The following EPHA10 variants were observed in gnomAD, a reference collection of about 807,000 sequenced individuals.
EPHA10 encodes ephrin type-A receptor 10.
EPHA10 carries 120 observed loss-of-function variants against 109.7 expected under a neutral mutation model. The ratio of observed to expected loss-of-function variants is 1.09; its 90% CI spans 0.94 to 1.27. The LOEUF is 1.27. Among genes scored for constraint, EPHA10 ranks in the 50% most tolerant of loss-of-function variants. The pLI is 0.00. For missense variants in EPHA10, 1,396 were observed against 1,411.1 expected, an observed-to-expected ratio of 0.99 and a Z score of 0.17; for synonymous variants, 640 against 618.9, an observed-to-expected ratio of 1.03 and a Z score of -0.51.
Position 37,754,213 on chromosome 1 carries a change from AC to A in EPHA10, c.1006+1del. On this transcript the variant is annotated splice_donor_variant, in intron 4 of 16. Coordinates refer to ENST00000373048, the MANE Select transcript of EPHA10 (RefSeq NM_001099439.2). LOFTEE classifies it high-confidence loss of function. The surrounding 1 kb of genome is among the most constrained non-coding windows in gnomAD (Gnocchi z 4.5). ...GCAGTGCAGCCTGGAGGGGGGACTC[AC>A]GGGTGCAGGAAGCCGAGGGCGGGTC... The A allele has an allele frequency of 7.8e-7, 1 of 1,289,110 alleles. No homozygotes were observed. The highest frequency in any genetic ancestry group is 9.9e-7 in the Non-Finnish European group (1 of 1,011,366). The allele number at this position is 1,289,110 out of a possible 1,614,324, so 79.9% of individuals were successfully genotyped here. A position where few individuals can be genotyped will look rare whatever the true frequency, so the allele number is the denominator to read the frequency against.
chr1:37,732,883 T>C (rs1646010281), intron 6 of EPHA10, among the ~76,000 whole-genome samples: 3 of 100,898 alleles, frequency 3.0e-5, no homozygotes, highest in Admixed American at 3.0e-4. Context: ...TTTTTTTTTT[T>C]TTTTTTTTTT....
At chr1:37,720,137 A>G (rs1645765448) in intron 13 of EPHA10, 79 bp from the exon 14 acceptor site, 2 of 1,557,130 alleles carry the variant, frequency 1.3e-6, no homozygotes, top group Non-Finnish European at 8.7e-7. Flanking sequence ...CCCCAGATCC[A>G]GCCTGCATGT....
Position 37,761,529 on chromosome 1 carries a change from C to T in EPHA10, c.726G>A (p.Ala242=), listed in dbSNP as rs762130503. 2 of 1,598,516 alleles carry T rather than the reference C, an allele frequency of 1.3e-6. No individual in the cohort carries two copies. Among genetic ancestry groups the T allele is most frequent in the African/African-American group, 1.3e-5 (1 of 74,786 alleles). ...TLVEVAGTCV[A]HSEGEPGSPP... ...GGCTGCCAGGCTCCCCTTCCGAGTG[C>T]GCCACGCACGTTCCGGCCACTTCCA... The change falls in exon 3 of 17, where the codon GCG becomes GCA. Residue 242 remains alanine, a synonymous_variant. Coordinates refer to ENST00000373048, the MANE Select transcript of EPHA10 (RefSeq NM_001099439.2).
chr1:37,761,781 G>T lies in EPHA10; in HGVS notation c.474C>A (p.Asp158Glu). 6.2e-7 allele frequency: 1 copy of T among 1,613,734 alleles called. No homozygotes were observed. The highest frequency in any genetic ancestry group is 8.5e-7 in the Non-Finnish European group (1 of 1,179,810). The stretch of plus-strand genomic sequence containing the variant: ...CCAGGTCGCCCTGCGTGAAGCTCTC[G>T]TCCGCCGCGATCGTGTCGATTTTGC... ...RPRKIDTIAA[D>E]ESFTQGDLGE... The change falls in exon 3 of 17, where the codon GAC becomes GAA. Residue 158 changes from aspartate (D) to glutamate (E), a missense_variant. Asp to Glu is a conservative substitution (Grantham distance 45). Transcript: ENST00000373048.
chr1:37,715,036 T>C (rs2148296079), downstream of EPHA10: 1 of 152,336 alleles, frequency 6.6e-6, no homozygotes, highest in Middle Eastern at 3.4e-3. Flanking sequence ...TCTCTGTTTT[T>C]GTTGTTGTTG....
chr1:37,715,795 C>A, downstream of EPHA10: 1 of 444,704 alleles, frequency 2.2e-6, no homozygotes, highest in Non-Finnish European at 4.4e-6. Flanking sequence ...TACCCTGGGT[C>A]ACACCGTCCT....
intron 5 of EPHA10, among the ~76,000 whole-genome samples, chr1:37,737,638 A>C (rs187485506): frequency 6.6e-6 from 1 of 152,374 alleles, no homozygotes; most frequent in East Asian, 1.9e-4. Flanking sequence ...TAAATGTAGG[A>C]TCTGAAATGA....
chr1:37,735,123 G>T, intron 6 of EPHA10, 134 bp downstream of exon 6: 1 of 1,185,046 alleles, frequency 8.4e-7, no homozygotes, highest in Non-Finnish European at 1.2e-6. Flanking sequence ...CGAGCCTGGG[G>T]CCCCTAGGAG....
downstream of EPHA10, chr1:37,713,921 A>G (rs1245567113): frequency 6.6e-6 from 1 of 152,234 alleles, no homozygotes; most frequent in Non-Finnish European, 1.5e-5. Context: ...GAAGACGTAC[A>G]TGTTAACATC....
Position 37,716,857 on chromosome 1 carries a change from C to T in EPHA10, c.*1515G>A, listed in dbSNP as rs1645701259. ...TTAAGAGAGTGGCTATCTCCCCCTC[C>T]AGCCCACCTACCCACTGACCCAGAG... On this transcript the variant is annotated 3_prime_UTR_variant, in exon 17 of 17. Transcript: ENST00000373048. 2 of 232,972 alleles carry T rather than the reference C, an allele frequency of 8.6e-6. No individual in the cohort carries two copies. The highest frequency in any genetic ancestry group is 5.6e-5 in the Admixed American group (1 of 17,770). The allele number at this position is 232,972 out of a possible 1,614,324, so 14.4% of individuals were successfully genotyped here.
At chr1:37,762,753 C>T in intron 2 of EPHA10, 32 bp downstream of exon 2, 1 of 1,533,910 alleles carries the variant, frequency 6.5e-7, no homozygotes, top group Non-Finnish European at 8.8e-7. Context: ...CCAGAGGATC[C>T]CTGGGACAGG....
intron 7 of EPHA10, among the ~76,000 whole-genome samples, chr1:37,730,583 G>A (rs982082698): frequency 4.6e-5 from 7 of 152,130 alleles, no homozygotes; most frequent in African/African-American, 1.7e-4. Context: ...GGAGAAGCCG[G>A]AGATGTTTTC....
chr1:37,715,419 G>A (rs1206013932), downstream of EPHA10, among the ~76,000 whole-genome samples: 1 of 152,036 alleles, frequency 6.6e-6, no homozygotes, highest in African/African-American at 2.4e-5. Flanking sequence ...CTTCATCCAG[G>A]TGCCTCCCAA....
At chr1:37,753,249 C>T in intron 4 of EPHA10, 23 bp from the exon 5 acceptor site, 3 of 754,100 alleles carry the variant, frequency 4.0e-6, no homozygotes, top group South Asian at 4.8e-5. Context: ...AGGGGCGGGG[C>T]GGTCAGGGCG....
At chr1:37,755,755 C>T (rs1240213867) in intron 3 of EPHA10, among the ~76,000 whole-genome samples, 1 of 152,152 alleles carries the variant, frequency 6.6e-6, no homozygotes, top group Non-Finnish European at 1.5e-5. Context: ...TCCTCCCCCA[C>T]AGGCCTTAAG....
intron 5 of EPHA10, among the ~76,000 whole-genome samples, chr1:37,739,745 T>C (rs1265065007): frequency 1.7e-5 from 2 of 120,500 alleles, no homozygotes; most frequent in South Asian, 5.5e-4. Context: ...GGGAGGGTGG[T>C]GGGGGTAAAG....
At position 37,747,611 on chromosome 1, in the gene EPHA10, C is replaced by A. The variant is rs1488180277; in HGVS notation, c.1357+5265G>T. Among the ~76,000 whole-genome samples, 4 of 142,178 alleles carry A rather than the reference C, an allele frequency of 2.8e-5. No individual in the cohort carries two copies. In the Admixed American group the frequency reaches 2.8e-4, roughly 10 times the overall value. 93.3% of individuals were successfully genotyped at this position (142,178 alleles called of 152,430 possible). A position where few individuals can be genotyped will look rare whatever the true frequency, so the allele number is the denominator to read the frequency against. ...AGAGTGGTATTAATAAAGATAAAATCATAAAATATAGCCGGGCATGCTGAC... is the reference window on the plus strand; with the variant it reads ...AGAGTGGTATTAATAAAGATAAAATAATAAAATATAGCCGGGCATGCTGAC... On this transcript the variant is annotated intron_variant, in intron 5 of 16. Coordinates refer to ENST00000373048, the MANE Select transcript of EPHA10 (RefSeq NM_001099439.2).
downstream of EPHA10, chr1:37,715,956 C>A: frequency 1.7e-6 from 1 of 580,346 alleles, no homozygotes; most frequent in South Asian, 1.4e-5. Context: ...CAAGCAACTG[C>A]CACTCAAAGA....
At chr1:37,722,893 C>T (rs1412822053) in intron 10 of EPHA10, 148 bp downstream of exon 10, 1 of 1,202,516 alleles carries the variant, frequency 8.3e-7, no homozygotes, top group Admixed American at 1.8e-5. Context: ...GGAGGGTGGG[C>T]TTGGTGTGGA....
Sources: gnomAD v4.1 joint callset for allele counts (sites outside exome capture counted in the v4.1 genomes callset) on GRCh38, gnomAD v4.1.1 for gene constraint, Gnocchi (gnomAD v3.1) non-coding constraint, MANE v1.5 for transcripts, NCBI Gene and HGNC (gene_info 2026-07-23, HGNC 2026-07-21) for gene names.